MAP2: variants seen among roughly 807,000 people sequenced by gnomAD.
MAP2 encodes microtubule associated protein 2.
In MAP2, 14 loss-of-function variants were observed where a neutral mutation model predicts 137.6. The observed-to-expected ratio is 0.10, with a 90% CI of 0.07 to 0.16. The LOEUF (loss-of-function observed/expected upper bound fraction) is 0.16. MAP2 is among the 10% of genes least tolerant of loss of function. The pLI, the probability that MAP2 is intolerant of heterozygous loss-of-function variation, is 1.00. For missense variants in MAP2, 2,088 were observed against 2,191.5 expected, an observed-to-expected ratio of 0.95 and a Z score of 0.94; for synonymous variants, 786 against 782.3, an observed-to-expected ratio of 1.00 and a Z score of -0.08.
chr2:209,469,962 A>C (rs1345304029), intron 1 of MAP2, among the ~76,000 whole-genome samples: 1 of 152,192 alleles, frequency 6.6e-6, no homozygotes, highest in Non-Finnish European at 1.5e-5. Context: ...GTGAAATAGT[A>C]AATGTGAGAG....
At chr2:209,592,963 G>A (rs1036690409) in intron 3 of MAP2, among the ~76,000 whole-genome samples, 14 of 151,582 alleles carry the variant, frequency 9.2e-5, no homozygotes, top group African/African-American at 1.5e-4. Flanking sequence ...CTTTTTCTCC[G>A]TTCTAGGTTT....
At chr2:209,439,697 C>T (rs1330731865) in intron 1 of MAP2, among the ~76,000 whole-genome samples, 1 of 151,402 alleles carries the variant, frequency 6.6e-6, no homozygotes, top group Non-Finnish European at 1.5e-5. Flanking sequence ...ATAAGAGATG[C>T]ATATCACTTA....
intron 13 of MAP2, among the ~76,000 whole-genome samples, chr2:209,722,210 CCAAT>C (rs996267110): frequency 6.6e-6 from 1 of 152,076 alleles, no homozygotes; most frequent in Non-Finnish European, 1.5e-5. Flanking sequence ...AAAAAGTAGC[CCAAT>C]CATTCTGTCT....
intron 1 of MAP2, among the ~76,000 whole-genome samples, chr2:209,436,034 A>G (rs1261548857): frequency 1.3e-5 from 1 of 74,634 alleles, no homozygotes; most frequent in African/African-American, 3.4e-5. Context: ...AAATATATAT[A>G]TATGTACTGG....
At chr2:209,510,036 A>C (rs2061542377) in intron 2 of MAP2, among the ~76,000 whole-genome samples, 1 of 151,930 alleles carries the variant, frequency 6.6e-6, no homozygotes, top group Non-Finnish European at 1.5e-5. Flanking sequence ...ATTACAAAAA[A>C]AAAAAAAGTC....
intron 1 of MAP2, among the ~76,000 whole-genome samples, chr2:209,499,009 A>G (rs541722450): frequency 2.1e-3 from 315 of 152,238 alleles, no homozygotes; most frequent in Non-Finnish European, 3.6e-3. Flanking sequence ...TCCTCTCTCA[A>G]AAAAAGCTTT....
chr2:209,685,542 G>T (rs1168799879), intron 7 of MAP2, among the ~76,000 whole-genome samples: 2 of 152,098 alleles, frequency 1.3e-5, no homozygotes, highest in Admixed American at 6.5e-5. Flanking sequence ...GTCTTAAACA[G>T]AGACTTGGAG....
intron 13 of MAP2, among the ~76,000 whole-genome samples, chr2:209,724,671 CTG>C (rs2073136352): frequency 6.6e-6 from 1 of 152,188 alleles, no homozygotes; most frequent in Non-Finnish European, 1.5e-5. Context: ...GAGCATAAAA[CTG>C]TCATTGTCAT....
intron 2 of MAP2, among the ~76,000 whole-genome samples, chr2:209,528,921 T>C (rs145600643): frequency 0.031 from 4,626 of 150,978 alleles, 212 homozygotes; most frequent in African/African-American, 0.1. Flanking sequence ...TATACACACA[T>C]ACATATATAT....
chr2:209,473,704 G>A (rs915257314), intron 1 of MAP2, among the ~76,000 whole-genome samples: 22 of 152,134 alleles, frequency 1.4e-4, no homozygotes, highest in Middle Eastern at 3.4e-3. Flanking sequence ...AGAGATCTCT[G>A]AAGTGTTTAT....
chr2:209,492,724 G>T (rs1044674227), intron 1 of MAP2, among the ~76,000 whole-genome samples: 9 of 151,980 alleles, frequency 5.9e-5, no homozygotes, highest in South Asian at 2.1e-4. Context: ...TAGGAATAAA[G>T]CTTACAAGGA....
chr2:209,523,172 G>A (rs2063523898), intron 2 of MAP2, among the ~76,000 whole-genome samples: 1 of 151,974 alleles, frequency 6.6e-6, no homozygotes, highest in Non-Finnish European at 1.5e-5. Flanking sequence ...TTCCTACAGT[G>A]GGCGAGATGC....
At chr2:209,636,050 G>T (rs1442338715) in intron 4 of MAP2, among the ~76,000 whole-genome samples, 1 of 152,008 alleles carries the variant, frequency 6.6e-6, no homozygotes, top group Non-Finnish European at 1.5e-5. Context: ...GTAATTTCTT[G>T]AGATTTTTAC....
At chr2:209,450,472 T>C (rs1415649546) in intron 1 of MAP2, among the ~76,000 whole-genome samples, 1 of 152,200 alleles carries the variant, frequency 6.6e-6, no homozygotes, top group East Asian at 1.9e-4. Context: ...TCATTTCAGT[T>C]AGTCTTAGGG....
chr2:209,672,240 C>A (rs1478157438), intron 5 of MAP2, among the ~76,000 whole-genome samples: 2 of 151,732 alleles, frequency 1.3e-5, no homozygotes, highest in Non-Finnish European at 2.9e-5. Context: ...GTGGCAGGAG[C>A]CTGATGTATT....
chr2:209,462,526 G>A (rs1703079195), intron 1 of MAP2, among the ~76,000 whole-genome samples: 1 of 152,142 alleles, frequency 6.6e-6, no homozygotes, highest in African/African-American at 2.4e-5. Context: ...GAGCTCAGTA[G>A]AACCTAGGAG....
At chr2:209,641,753 A>G (rs1190775305) in intron 4 of MAP2, among the ~76,000 whole-genome samples, 1 of 152,120 alleles carries the variant, frequency 6.6e-6, no homozygotes, top group African/African-American at 2.4e-5. Flanking sequence ...AGCATTTTAA[A>G]TATTGTTTAT....
At chr2:209,549,885 C>G (rs1178593221) in intron 2 of MAP2, among the ~76,000 whole-genome samples, 1 of 152,224 alleles carries the variant, frequency 6.6e-6, no homozygotes. Flanking sequence ...CTTAGCTTCT[C>G]TTTCTCACCC....
At position 209,700,526 on chromosome 2, in the gene MAP2, A is replaced by G. The variant is rs767504034; in HGVS notation, c.4584+188A>G. On this transcript the variant is annotated intron_variant, in intron 11 of 15. Coordinates refer to ENST00000682079, the MANE Select transcript of MAP2 (RefSeq NM_001375505.1). The stretch of plus-strand genomic sequence containing the variant: ...TGAACGTCTTCTGGGATGGCGTATG[A>G]TGGTAATTGGTGAGGGCACAGCTGG... Among the ~76,000 whole-genome samples the G allele has an allele frequency of 5.3e-5, 8 of 152,186 alleles. 1 individual carries two copies. The highest frequency in any genetic ancestry group is 1.2e-4 in the Non-Finnish European group (8 of 68,028).
Sources: allele counts gnomAD v4.1 joint callset (sites outside exome capture counted in the v4.1 genomes callset), GRCh38; gene constraint gnomAD v4.1.1; transcripts MANE v1.5; gene names NCBI Gene and HGNC (gene_info 2026-07-23, HGNC 2026-07-21).